Variants in HELZ observed in about 807,000 individuals in gnomAD.
HELZ encodes ATP-dependent RNA helicase with zinc finger domain.
Under a neutral mutation model 218.2 loss-of-function variants are expected in HELZ, and 23 were observed. The ratio of observed to expected loss-of-function variants is 0.11; its 90% CI spans 0.08 to 0.15. HELZ has a LOEUF of 0.15. Ranked by LOEUF, HELZ falls within the 10% of genes least tolerant of loss-of-function variation. The pLI is 1.00. For synonymous variants in HELZ, 814 were observed against 829.4 expected, an observed-to-expected ratio of 0.98 and a Z score of 0.32; for missense variants, 1,813 against 2,353.7, an observed-to-expected ratio of 0.77 and a Z score of 4.75.
chr17:67,163,242 C>T (rs985315982), intron 15 of HELZ, among the ~76,000 whole-genome samples: 21 of 152,098 alleles, frequency 1.4e-4, no homozygotes, highest in African/African-American at 5.1e-4. Context: ...CTAGTACATG[C>T]TTTCAAAGCA....
intron 7 of HELZ, among the ~76,000 whole-genome samples, chr17:67,195,850 T>TC (rs1451473002): frequency 7.0e-6 from 1 of 142,938 alleles, no homozygotes; most frequent in Middle Eastern, 3.2e-3. Context: ...TTTTTTTTTT[T>TC]TCTTTTTTTT....
chr17:67,085,897 C>G (rs2036356061), intron 32 of HELZ, among the ~76,000 whole-genome samples: 2 of 152,206 alleles, frequency 1.3e-5, no homozygotes. Context: ...TTCCATCATA[C>G]AAGTTTAGAG....
At chr17:67,203,213 A>G (rs1204104994) in intron 6 of HELZ, 106 bp downstream of exon 6, 3 of 1,171,544 alleles carry the variant, frequency 2.6e-6, no homozygotes, top group Admixed American at 4.5e-5. Context: ...CTAATAGAGG[A>G]AGAACTAAAA....
intron 17 of HELZ, among the ~76,000 whole-genome samples, chr17:67,159,943 GATTTA>G (rs960087077): frequency 3.2e-4 from 49 of 152,192 alleles, no homozygotes; most frequent in African/African-American, 9.4e-4. Flanking sequence ...TACTGAACTA[GATTTA>G]ATTTAAGTTA....
intron 31 of HELZ, among the ~76,000 whole-genome samples, chr17:67,089,141 G>T (rs1439115545): frequency 6.6e-6 from 1 of 152,124 alleles, no homozygotes; most frequent in Non-Finnish European, 1.5e-5. Context: ...AACTAACGTT[G>T]GGTATGGGCT....
chr17:67,169,023 T>A (rs764714070), intron 13 of HELZ, among the ~76,000 whole-genome samples: 1 of 151,620 alleles, frequency 6.6e-6, no homozygotes, highest in Non-Finnish European at 1.5e-5. Flanking sequence ...ACCCAGGAGG[T>A]GGAGGTTGCA....
intron 28 of HELZ, 131 bp from the exon 29 acceptor site, chr17:67,109,817 A>C (rs1323726800): frequency 6.7e-6 from 4 of 593,652 alleles, no homozygotes; most frequent in Non-Finnish European, 8.3e-6. Flanking sequence ...CTGAGTGCTC[A>C]ATTATTTACT....
At chr17:67,167,860 GTGA>G in intron 13 of HELZ, 64 bp from the exon 14 acceptor site, 3 of 1,067,384 alleles carry the variant, frequency 2.8e-6, no homozygotes, top group Non-Finnish European at 4.1e-6. Context: ...AACTAGAAGA[GTGA>G]AACAAAGTAA....
rs2035951659 is a variant in HELZ at position 67,073,835 on chromosome 17, G to C, written c.*4417C>G. On this transcript the variant is annotated 3_prime_UTR_variant, in exon 33 of 33. Coordinates refer to ENST00000358691, the MANE Select transcript of HELZ (RefSeq NM_014877.4). Reference sequence around the variant, plus strand: ...TACTGATTAAAAAGGTATGAAAGTAGAAAGTGTGAATTTAGCAGCTTTAAA... The same window carrying C: ...TACTGATTAAAAAGGTATGAAAGTACAAAGTGTGAATTTAGCAGCTTTAAA... 2 of 152,272 alleles carry C rather than the reference G, an allele frequency of 1.3e-5. No homozygotes were observed. The highest frequency in any genetic ancestry group is 2.1e-4 in the South Asian group (1 of 4,824). 9.4% of individuals were successfully genotyped at this position (152,272 alleles called of 1,614,324 possible).
rs1466816096 is a variant in HELZ, at chr17:67,109,465, T to G, written c.4140A>C (p.Leu1380Phe). Residue 1380 changes from leucine (L) to phenylalanine (F), a missense_variant, in exon 29 of 33, where the codon TTA becomes TTC. Leu to Phe is a conservative substitution (Grantham distance 22, BLOSUM62 0). Coordinates refer to ENST00000358691, the MANE Select transcript of HELZ (RefSeq NM_014877.4). The stretch of plus-strand genomic sequence containing the variant: ...CAGGCAAATTATTCTGCTGCTGATT[T>G]AACAAGGTGTGCTGCTGTGGAATTG... Reference protein sequence around the residue: ...PFPIPQQHTLLNQQQNNLPEQ... With the variant: ...PFPIPQQHTLFNQQQNNLPEQ... The G allele has an allele frequency of 6.2e-7, 1 of 1,614,060 alleles. No homozygotes were observed. Among genetic ancestry groups the G allele is most frequent in the African/African-American group, 1.3e-5 (1 of 74,916 alleles).
At chr17:67,182,436 C>G (rs2039640517) in intron 12 of HELZ, among the ~76,000 whole-genome samples, 1 of 151,994 alleles carries the variant, frequency 6.6e-6, no homozygotes, top group Non-Finnish European at 1.5e-5. Flanking sequence ...CAAAGCAAGA[C>G]TCAGTATCAA....
intron 14 of HELZ, 107 bp from the exon 15 acceptor site, chr17:67,166,715 G>C (rs2039156739): frequency 1.4e-5 from 12 of 888,482 alleles, no homozygotes; most frequent in Non-Finnish European, 2.1e-5. Flanking sequence ...TAAGTTTAGA[G>C]ATTCTTTTAA....
intron 32 of HELZ, among the ~76,000 whole-genome samples, chr17:67,079,252 G>A (rs2036111751): frequency 6.6e-6 from 1 of 152,020 alleles, no homozygotes; most frequent in Non-Finnish European, 1.5e-5. Context: ...ACATTGTACT[G>A]GATTATAAAC....
intron 15 of HELZ, among the ~76,000 whole-genome samples, chr17:67,165,997 A>G (rs2039131885): frequency 6.6e-6 from 1 of 152,156 alleles, no homozygotes; most frequent in Admixed American, 6.5e-5. Flanking sequence ...TCAGCCAGAC[A>G]CAGTGGCATG....
chr17:67,141,407 T>A (rs1286626399), intron 21 of HELZ, among the ~76,000 whole-genome samples: 1 of 111,528 alleles, frequency 9.0e-6, no homozygotes, highest in Non-Finnish European at 2.1e-5. Flanking sequence ...GCCACCCTTC[T>A]CTTAGAATTT....
chr17:67,138,340 C>G (rs941429386), intron 21 of HELZ, among the ~76,000 whole-genome samples: 1 of 151,940 alleles, frequency 6.6e-6, no homozygotes, highest in African/African-American at 2.4e-5. Context: ...ATAATACAAC[C>G]AGTGAAAACA....
In HELZ at chr17:67,178,633, T is replaced by A. The variant is rs200782950; in HGVS notation, c.1430+26A>T. 3.5e-5 allele frequency: 56 copies of A among 1,579,562 alleles called. No individual in the cohort carries two copies. In the East Asian group the frequency reaches 1.2e-3, roughly 35 times the overall value. On this transcript the variant is annotated intron_variant, in intron 13 of 32. Coordinates refer to ENST00000358691, the MANE Select transcript of HELZ (RefSeq NM_014877.4). ...ACCATCCAAAGGGGAGATTTTTTGT[T>A]TTAAAGTGTTTCTAAAGTAACTTAC...
Position 67,076,256 on chromosome 17 carries a change from G to A in HELZ, c.*1996C>T, listed in dbSNP as rs964291244. The stretch of plus-strand genomic sequence containing the variant: ...ATCAGAGAGATCTAATTTTCATTCG[G>A]ATATGTCTTGAGTTTTGTCACAGAC... On this transcript the variant is annotated 3_prime_UTR_variant, in exon 33 of 33. Coordinates refer to ENST00000358691, the MANE Select transcript of HELZ (RefSeq NM_014877.4). The A allele has an allele frequency of 6.6e-6, 1 of 152,124 alleles. No homozygotes were observed. Among genetic ancestry groups the A allele is most frequent in the Non-Finnish European group, 1.5e-5 (1 of 68,012 alleles). The allele number at this position is 152,124 out of a possible 1,614,324, so 9.4% of individuals were successfully genotyped here. A position where few individuals can be genotyped will look rare whatever the true frequency, so the allele number is the denominator to read the frequency against.
At chr17:67,199,209 AC>A (rs1598409826) in intron 7 of HELZ, among the ~76,000 whole-genome samples, 3 of 128,494 alleles carry the variant, frequency 2.3e-5, no homozygotes, top group East Asian at 5.7e-4. Flanking sequence ...TTTTGCCATT[AC>A]TTTTTTTTTT....
Sources: gnomAD v4.1 joint callset for allele counts (sites outside exome capture counted in the v4.1 genomes callset) on GRCh38, gnomAD v4.1.1 for gene constraint, MANE v1.5 for transcripts, NCBI Gene and HGNC (gene_info 2026-07-23, HGNC 2026-07-21) for gene names.